JAKMIP3: variants seen among roughly 807,000 people sequenced by gnomAD.
The protein encoded by JAKMIP3 is Janus kinase and microtubule interacting protein 3.
A neutral mutation model predicts 118.5 loss-of-function variants in JAKMIP3; 58 were observed. The observed-to-expected ratio is 0.49, with a 90% CI of 0.40 to 0.61. JAKMIP3 has a LOEUF of 0.61. JAKMIP3 is among the 20% of genes least tolerant of loss of function. JAKMIP3 has a pLI of 0.00. For missense variants in JAKMIP3, 950 were observed against 1,109.0 expected (o/e 0.86, Z 2.04); for synonymous variants, 486 against 451.2 (o/e 1.08, Z -0.98).
intron 22 of JAKMIP3, among the ~76,000 whole-genome samples, 193 bp from the exon 23 acceptor site, chr10:132,167,760 C>T (rs2059057438): frequency 6.6e-6 from 1 of 152,070 alleles, no homozygotes; most frequent in East Asian, 1.9e-4. Context: ...TCACTCCAGC[C>T]AAGTGGAGTC....
In JAKMIP3 at chr10:132,168,584, C is replaced by A; in HGVS notation, c.*654C>A. On this transcript the variant is annotated 3_prime_UTR_variant, in exon 23 of 24. Coordinates refer to ENST00000684848, the MANE Select transcript of JAKMIP3 (RefSeq NM_001323087.2). Reference sequence around the variant, plus strand: ...TCATCATCATCTCTGTGGGGACAGACAAGAGCCGTGGCCGCCGCGGGCCGC... The same window carrying A: ...TCATCATCATCTCTGTGGGGACAGAAAAGAGCCGTGGCCGCCGCGGGCCGC... 2 of 374,854 alleles carry A rather than the reference C, an allele frequency of 5.3e-6. No homozygotes were observed. Among genetic ancestry groups the A allele is most frequent in the Non-Finnish European group, 1.0e-5 (2 of 199,956 alleles). 23.2% of individuals were successfully genotyped at this position (374,854 alleles called of 1,614,324 possible).
chr10:132,154,081 C>CAGA (rs2136229921), intron 19 of JAKMIP3, 91 bp downstream of exon 19: 1 of 1,125,036 alleles, frequency 8.9e-7, no homozygotes, highest in Non-Finnish European at 1.3e-6. Context: ...CTCAGGTGCC[C>CAGA]ATGTGGGCCA....
chr10:132,113,087 C>G (rs2047116326), intron 2 of JAKMIP3, among the ~76,000 whole-genome samples: 1 of 152,166 alleles, frequency 6.6e-6, no homozygotes, highest in Non-Finnish European at 1.5e-5. Context: ...CAGTTGTCAC[C>G]TCAGTTCAGG....
chr10:132,095,923 T>G (rs2043796051), intron 1 of JAKMIP3, among the ~76,000 whole-genome samples: 1 of 151,670 alleles, frequency 6.6e-6, no homozygotes, highest in African/African-American at 2.4e-5. Context: ...ATGCCCTGAG[T>G]ATTACAGCTC....
At chr10:132,097,047 G>A (rs188016203) in intron 1 of JAKMIP3, among the ~76,000 whole-genome samples, 3 of 152,342 alleles carry the variant, frequency 2.0e-5, no homozygotes, top group East Asian at 3.9e-4. Context: ...GAGGTGCTAG[G>A]GAAATGCAGA....
intron 1 of JAKMIP3, among the ~76,000 whole-genome samples, chr10:132,093,426 C>T (rs1478850468): frequency 6.6e-6 from 1 of 152,240 alleles, no homozygotes; most frequent in Non-Finnish European, 1.5e-5. Context: ...CTACTCAAGC[C>T]TCAGCAATGG....
intron 1 of JAKMIP3, among the ~76,000 whole-genome samples, chr10:132,045,664 C>T (rs1313311019): frequency 6.6e-6 from 1 of 152,192 alleles, no homozygotes; most frequent in African/African-American, 2.4e-5. Flanking sequence ...CACAGTGGCT[C>T]ATGCCTATAA....
intron 23 of JAKMIP3, among the ~76,000 whole-genome samples, chr10:132,177,815 G>A (rs114296368): frequency 9.7e-5 from 14 of 144,336 alleles, no homozygotes; most frequent in African/African-American, 3.7e-4. Context: ...CTGTGCATTT[G>A]GTTGTGCGTG....
At position 132,159,687 on chromosome 10, in the gene JAKMIP3, A is replaced by T. The variant is rs373788388; in HGVS notation, c.2221-3522A>T. Among the ~76,000 whole-genome samples, 45 of 86,936 alleles carry T rather than the reference A, an allele frequency of 5.2e-4. No individual in the cohort carries two copies. The East Asian group carries it at 0.015, about 29-fold the overall frequency. 57.0% of individuals were successfully genotyped at this position (86,936 alleles called of 152,430 possible). On this transcript the variant is annotated intron_variant, in intron 19 of 23. Coordinates refer to ENST00000684848, the MANE Select transcript of JAKMIP3 (RefSeq NM_001323087.2). ...TGCTGGGGGGTCCTCTCCCTATGTG[A>T]TGCTCAGGGGGCCTCTCCCTGTGTG...
At chr10:132,055,646 T>C (rs1356101030) in intron 1 of JAKMIP3, among the ~76,000 whole-genome samples, 9 of 152,180 alleles carry the variant, frequency 5.9e-5, no homozygotes, top group Admixed American at 3.9e-4. Flanking sequence ...GCCTCGGTCT[T>C]AATTAATGCC....
intron 19 of JAKMIP3, among the ~76,000 whole-genome samples, chr10:132,158,996 T>TTG (rs1554954823): frequency 4.8e-5 from 1 of 20,666 alleles, no homozygotes; most frequent in Admixed American, 7.0e-4. Context: ...TGTGTGATGC[T>TTG]GGGGGGGGGC....
At chr10:132,140,873 C>A (rs1305083386) in intron 10 of JAKMIP3, among the ~76,000 whole-genome samples, 2 of 152,248 alleles carry the variant, frequency 1.3e-5, no homozygotes, top group Non-Finnish European at 2.9e-5. Context: ...TGAGCCTACG[C>A]CCCTTCTGCA....
chr10:132,148,851 C>T (rs1018757701), intron 14 of JAKMIP3, among the ~76,000 whole-genome samples: 1 of 152,228 alleles, frequency 6.6e-6, no homozygotes, highest in Non-Finnish European at 1.5e-5. Flanking sequence ...GCACCACACA[C>T]AGCCCCGAGG....
chr10:132,037,493 G>A (rs182694114), intron 1 of JAKMIP3, among the ~76,000 whole-genome samples: 1 of 152,322 alleles, frequency 6.6e-6, no homozygotes, highest in African/African-American at 2.4e-5. Flanking sequence ...GCTCTTAGGT[G>A]TTGGGGAAGC....
At chr10:132,110,898 T>C (rs996907952) in intron 2 of JAKMIP3, among the ~76,000 whole-genome samples, 1 of 152,176 alleles carries the variant, frequency 6.6e-6, no homozygotes, top group Admixed American at 6.5e-5. Context: ...GGAAGAGCCA[T>C]ACGTGTCATG....
intron 1 of JAKMIP3, among the ~76,000 whole-genome samples, chr10:132,094,560 G>C (rs1355108330): frequency 6.6e-6 from 1 of 152,134 alleles, no homozygotes; most frequent in African/African-American, 2.4e-5. Flanking sequence ...AAGTCTACCA[G>C]GCTCTGGGCT....
chr10:132,136,460 G>A (rs920834485), intron 6 of JAKMIP3, among the ~76,000 whole-genome samples: 1 of 152,154 alleles, frequency 6.6e-6, no homozygotes, highest in Non-Finnish European at 1.5e-5. Flanking sequence ...CCAAGCAGGA[G>A]TCGGGGGCAG....
intron 3 of JAKMIP3, among the ~76,000 whole-genome samples, chr10:132,132,605 C>T (rs1422781324): frequency 6.6e-6 from 1 of 152,206 alleles, no homozygotes; most frequent in Non-Finnish European, 1.5e-5. Context: ...GGCAGACATC[C>T]TGCACACCCC....
At chr10:132,166,875 CA>C in intron 21 of JAKMIP3, 107 bp from the exon 22 acceptor site, 2 of 788,786 alleles carry the variant, frequency 2.5e-6, no homozygotes, top group Non-Finnish European at 4.2e-6. Context: ...TCCCTGCCAA[CA>C]GCTCTGTCTT....
Sources: allele counts gnomAD v4.1 joint callset (sites outside exome capture counted in the v4.1 genomes callset), GRCh38; gene constraint gnomAD v4.1.1; transcripts MANE v1.5; gene names NCBI Gene and HGNC (gene_info 2026-07-23, HGNC 2026-07-21).